The following HIVEP3 variants were observed in gnomAD, a reference collection of about 807,000 sequenced individuals.
The protein encoded by HIVEP3 is HIVEP zinc finger 3.
HIVEP3 carries 49 observed loss-of-function variants against 152.8 expected under a neutral mutation model. That is an observed-to-expected ratio of 0.32 (90% CI 0.26 to 0.41). The LOEUF is 0.41. Among genes scored for constraint, HIVEP3 ranks in the 10% least tolerant of loss-of-function variants. The pLI is 1.00. For synonymous variants in HIVEP3, 1,269 were observed against 1,289.0 expected, an observed-to-expected ratio of 0.98 and a Z score of 0.33; for missense variants, 2,790 against 3,103.3, an observed-to-expected ratio of 0.90 and a Z score of 2.40.
chr1:41,994,430 A>G (rs572691697), intron 1 of HIVEP3, among the ~76,000 whole-genome samples: 3 of 152,252 alleles, frequency 2.0e-5, no homozygotes, highest in East Asian at 1.9e-4. Context: ...GTAATTCCCA[A>G]TGTTGGGAAA....
chr1:41,726,438 T>G (rs1207034122), intron 1 of HIVEP3, among the ~76,000 whole-genome samples: 2 of 152,216 alleles, frequency 1.3e-5, no homozygotes, highest in African/African-American at 2.4e-5. Context: ...TGTAGATGTT[T>G]GATCATAAAC....
intron 1 of HIVEP3, among the ~76,000 whole-genome samples, chr1:41,967,694 A>T (rs927763196): frequency 2.0e-5 from 3 of 152,232 alleles, no homozygotes; most frequent in Admixed American, 6.5e-5. Context: ...AATAACTGAG[A>T]TCAGAGCAGA....
intron 3 of HIVEP3, among the ~76,000 whole-genome samples, chr1:41,594,174 G>A (rs181801323): frequency 3.9e-5 from 6 of 152,266 alleles, no homozygotes; most frequent in Admixed American, 2.0e-4. Flanking sequence ...TAGTTTGGGG[G>A]TCCATTATTT....
At chr1:41,618,593 T>C (rs1191228449) in intron 3 of HIVEP3, among the ~76,000 whole-genome samples, 1 of 152,130 alleles carries the variant, frequency 6.6e-6, no homozygotes, top group African/African-American at 2.4e-5. Context: ...GTTCTTTCCC[T>C]TTCGGTGGTG....
chr1:41,989,585 A>G (rs1371507154), intron 1 of HIVEP3, among the ~76,000 whole-genome samples: 2 of 152,158 alleles, frequency 1.3e-5, no homozygotes, highest in Admixed American at 6.5e-5. Context: ...AAGGAAAGGG[A>G]AAAAGGCAGC....
At chr1:41,633,882 A>T (rs750120329) in intron 2 of HIVEP3, among the ~76,000 whole-genome samples, 16 of 152,220 alleles carry the variant, frequency 1.1e-4, no homozygotes, top group Non-Finnish European at 2.4e-4. Context: ...TAATAAACTC[A>T]GCTTTGCCTT....
At chr1:41,626,230 G>T (rs1645114691) in intron 3 of HIVEP3, among the ~76,000 whole-genome samples, 2 of 152,342 alleles carry the variant, frequency 1.3e-5, no homozygotes, top group South Asian at 2.1e-4. Flanking sequence ...CCTCTGTCTT[G>T]TTCGGATGCC....
At chr1:41,903,469 G>T (rs1206942925) in intron 1 of HIVEP3, among the ~76,000 whole-genome samples, 3 of 152,222 alleles carry the variant, frequency 2.0e-5, no homozygotes, top group African/African-American at 7.2e-5. Context: ...TGAATGCAGT[G>T]AGCACTGAGG....
chr1:41,914,931 T>C (rs1403173873), intron 1 of HIVEP3, among the ~76,000 whole-genome samples: 1 of 152,246 alleles, frequency 6.6e-6, no homozygotes, highest in Non-Finnish European at 1.5e-5. Context: ...TTTTCTTTAG[T>C]ATTAAATGTT....
chr1:41,649,063 G>C (rs912384727), intron 2 of HIVEP3, among the ~76,000 whole-genome samples: 1 of 152,182 alleles, frequency 6.6e-6, no homozygotes. Context: ...TTAGGATCAC[G>C]GGTAACAGAG....
chr1:41,572,721 T>C (rs536033430), intron 5 of HIVEP3, among the ~76,000 whole-genome samples: 1 of 152,330 alleles, frequency 6.6e-6, no homozygotes, highest in South Asian at 2.1e-4. Context: ...AGAAAGAAAT[T>C]AAGGCAAGTT....
chr1:41,784,173 G>GC (rs2124287457), intron 1 of HIVEP3, among the ~76,000 whole-genome samples: 1 of 152,294 alleles, frequency 6.6e-6, no homozygotes, highest in African/African-American at 2.4e-5. Flanking sequence ...CTGCCCTAGA[G>GC]CAGGGCTACA....
intron 3 of HIVEP3, among the ~76,000 whole-genome samples, chr1:41,624,940 T>C (rs10749838): frequency 0.59 from 89,374 of 151,326 alleles, 27,168 homozygotes; most frequent in African/African-American, 0.75. Context: ...CCGAGGTGGA[T>C]GGATCACAAG....
intron 1 of HIVEP3, among the ~76,000 whole-genome samples, chr1:41,750,874 C>T (rs1647150168): frequency 6.6e-6 from 1 of 152,090 alleles, no homozygotes; most frequent in Non-Finnish European, 1.5e-5. Flanking sequence ...ACCACCACGC[C>T]TGGCTAATTT....
intron 1 of HIVEP3, among the ~76,000 whole-genome samples, chr1:41,868,942 CT>C (rs565149828): frequency 7.6e-4 from 115 of 152,292 alleles, no homozygotes; most frequent in East Asian, 2.5e-3. Context: ...AATTTCTCCC[CT>C]TTTGTAAGTG....
chr1:41,618,144 G>A (rs1246455593), intron 3 of HIVEP3, among the ~76,000 whole-genome samples: 1 of 152,234 alleles, frequency 6.6e-6, no homozygotes, highest in African/African-American at 2.4e-5. Context: ...TGGACACAAT[G>A]CTCAATGAGG....
intron 6 of HIVEP3, among the ~76,000 whole-genome samples, chr1:41,522,600 C>T (rs1180526688): frequency 6.6e-6 from 1 of 152,226 alleles, no homozygotes; most frequent in Non-Finnish European, 1.5e-5. Context: ...AGATTACGCC[C>T]TCTGGACCCT....
intron 5 of HIVEP3, among the ~76,000 whole-genome samples, chr1:41,549,439 G>A (rs1005315398): frequency 3.3e-5 from 5 of 152,110 alleles, no homozygotes; most frequent in Non-Finnish European, 7.3e-5. Flanking sequence ...GATCTTTGAG[G>A]AATTACCACA....
At chr1:41,532,970 G>C (rs1460966525) in intron 5 of HIVEP3, among the ~76,000 whole-genome samples, 1 of 152,126 alleles carries the variant, frequency 6.6e-6, no homozygotes, top group Non-Finnish European at 1.5e-5. Flanking sequence ...AAAAGAGAAA[G>C]GTCAGAGAAG....
Sources: allele counts gnomAD v4.1 joint callset (sites outside exome capture counted in the v4.1 genomes callset), GRCh38; gene constraint gnomAD v4.1.1; transcripts MANE v1.5; gene names NCBI Gene and HGNC (gene_info 2026-07-23, HGNC 2026-07-21).